SMYD3: variants seen among roughly 807,000 people sequenced by gnomAD.
SMYD3 encodes the protein histone-lysine N-methyltransferase SMYD3.
A neutral mutation model predicts 57.7 loss-of-function variants in SMYD3; 36 were observed. The observed-to-expected ratio is 0.62, with a 90% CI of 0.48 to 0.82. The LOEUF is 0.82. SMYD3 is among the 40% of genes least tolerant of loss of function. The pLI is 0.00. For missense variants in SMYD3, 515 were observed against 538.8 expected (o/e 0.96, Z 0.44); for synonymous variants, 211 against 195.0 (o/e 1.08, Z -0.68).
chr1:245,840,966 T>C (rs1045681139), intron 10 of SMYD3, among the ~76,000 whole-genome samples: 2 of 152,216 alleles, frequency 1.3e-5, no homozygotes, highest in African/African-American at 4.8e-5. Context: ...TTCCAAACTA[T>C]ACTGCATGAA....
intron 5 of SMYD3, among the ~76,000 whole-genome samples, chr1:246,056,762 A>G (rs2060158996): frequency 6.8e-6 from 1 of 146,658 alleles, no homozygotes; most frequent in Admixed American, 7.1e-5. Context: ...AAATACATGT[A>G]AACTAAAAAG....
intron 5 of SMYD3, among the ~76,000 whole-genome samples, chr1:245,952,077 G>A (rs2057673785): frequency 6.6e-6 from 1 of 151,992 alleles, no homozygotes; most frequent in African/African-American, 2.4e-5. Context: ...GAAAAAAAAT[G>A]TTATCAATGA....
intron 5 of SMYD3, among the ~76,000 whole-genome samples, chr1:246,167,670 C>T (rs2062243228): frequency 6.6e-6 from 1 of 151,986 alleles, no homozygotes; most frequent in East Asian, 1.9e-4. Context: ...CCCACCAGGC[C>T]TGGCTAATTT....
intron 10 of SMYD3, among the ~76,000 whole-genome samples, chr1:245,766,596 A>C (rs918805153): frequency 2.6e-5 from 4 of 152,136 alleles, no homozygotes; most frequent in Admixed American, 6.5e-5. Flanking sequence ...AAAAGGCATA[A>C]GGGCAGGACG....
intron 5 of SMYD3, among the ~76,000 whole-genome samples, chr1:246,218,303 G>C (rs566739997): frequency 6.6e-6 from 1 of 152,138 alleles, no homozygotes; most frequent in East Asian, 1.9e-4. Context: ...GGAGATAAGA[G>C]AGAGAAGCAG....
At chr1:246,305,554 G>A (rs566974008) in intron 5 of SMYD3, among the ~76,000 whole-genome samples, 4 of 152,098 alleles carry the variant, frequency 2.6e-5, no homozygotes, top group Admixed American at 6.6e-5. Context: ...GAGGGATAAC[G>A]TGACACCATG....
At chr1:245,924,244 G>A (rs186622643) in intron 7 of SMYD3, among the ~76,000 whole-genome samples, 4 of 152,148 alleles carry the variant, frequency 2.6e-5, no homozygotes, top group Admixed American at 2.6e-4. Context: ...CAGCAATCCA[G>A]TCAAGTGAGC....
intron 10 of SMYD3, among the ~76,000 whole-genome samples, chr1:245,793,311 A>C (rs2047380558): frequency 1.3e-5 from 2 of 151,826 alleles, no homozygotes; most frequent in African/African-American, 2.4e-5. Flanking sequence ...AAAAAAAAAA[A>C]CAACAAAAAA....
At chr1:245,981,685 C>T (rs2058600185) in intron 5 of SMYD3, among the ~76,000 whole-genome samples, 1 of 152,092 alleles carries the variant, frequency 6.6e-6, no homozygotes, top group South Asian at 2.1e-4. Context: ...AAGAAGGAAA[C>T]AGAAAAGCCA....
intron 10 of SMYD3, among the ~76,000 whole-genome samples, chr1:245,845,762 G>C (rs2050633176): frequency 6.6e-6 from 1 of 152,198 alleles, no homozygotes; most frequent in Non-Finnish European, 1.5e-5. Context: ...CCTTTCATCA[G>C]TCTTTTTATT....
chr1:245,943,899 C>CAAT (rs1371349319), intron 5 of SMYD3, among the ~76,000 whole-genome samples: 1 of 152,156 alleles, frequency 6.6e-6, no homozygotes, highest in African/African-American at 2.4e-5. Flanking sequence ...ATGATTATCT[C>CAAT]AATAGATGCA....
chr1:246,362,460 TCTCC>T (rs2066006676), intron 1 of SMYD3, among the ~76,000 whole-genome samples: 4 of 8,540 alleles, frequency 4.7e-4, no homozygotes, highest in Admixed American at 1.6e-3. Flanking sequence ...TCCCTCTCCC[TCTCC>T]ACGGTCTCCC....
chr1:246,176,053 T>G (rs997743617), intron 5 of SMYD3, among the ~76,000 whole-genome samples: 1 of 152,186 alleles, frequency 6.6e-6, no homozygotes, highest in African/African-American at 2.4e-5. Context: ...AAACCAAGTG[T>G]TTTACTCTAA....
intron 5 of SMYD3, among the ~76,000 whole-genome samples, chr1:246,110,789 T>A (rs2061222049): frequency 6.6e-6 from 1 of 152,186 alleles, no homozygotes; most frequent in Non-Finnish European, 1.5e-5. Flanking sequence ...ACTTGCTGAG[T>A]CACCCGGGAT....
chr1:246,377,430 C>T (rs1038865246), intron 1 of SMYD3, among the ~76,000 whole-genome samples: 2 of 148,548 alleles, frequency 1.3e-5, no homozygotes, highest in East Asian at 2.0e-4. Context: ...AGTGCAATGA[C>T]GCCATCTCAG....
intron 1 of SMYD3, among the ~76,000 whole-genome samples, chr1:246,505,443 G>GCAGCAGCAC (rs1031656790): frequency 3.3e-5 from 5 of 152,122 alleles, no homozygotes; most frequent in African/African-American, 1.2e-4. Flanking sequence ...AGCAGCAGCA[G>GCAGCAGCAC]CAGCACCAGG....
At chr1:246,193,509 G>A (rs114113183) in intron 5 of SMYD3, among the ~76,000 whole-genome samples, 3,974 of 152,200 alleles carry the variant, frequency 0.026, 77 homozygotes, top group Non-Finnish European at 0.038. Context: ...CCCAGCAGTG[G>A]CCTTGTGGCC....
intron 1 of SMYD3, among the ~76,000 whole-genome samples, chr1:246,487,927 C>T (rs2068212570): frequency 6.6e-6 from 1 of 152,176 alleles, no homozygotes; most frequent in Non-Finnish European, 1.5e-5. Context: ...CTCCCAACCT[C>T]AGGTGATCTG....
intron 11 of SMYD3, among the ~76,000 whole-genome samples, chr1:245,751,524 G>GAGAA (rs530480529): frequency 1.2e-5 from 1 of 86,322 alleles, no homozygotes; most frequent in African/African-American, 3.9e-5. Context: ...GCTGCTGAGA[G>GAGAA]AGAGAGAAAG....
Sources: gnomAD v4.1 joint callset for allele counts (sites outside exome capture counted in the v4.1 genomes callset) on GRCh38, gnomAD v4.1.1 for gene constraint, MANE v1.5 for transcripts, NCBI Gene and HGNC (gene_info 2026-07-23, HGNC 2026-07-21) for gene names.